The following KCNN2 variants were observed in gnomAD, a reference collection of about 807,000 sequenced individuals.
KCNN2 encodes the protein potassium calcium-activated channel subfamily N member 2.
KCNN2 carries 24 observed loss-of-function variants against 55.5 expected under a neutral mutation model. That is an observed-to-expected ratio of 0.43 (90% CI 0.31 to 0.61). The LOEUF is 0.61. Ranked by LOEUF, KCNN2 falls within the 20% of genes least tolerant of loss-of-function variation. The pLI is 0.08. For synonymous variants in KCNN2, 431 were observed against 336.1 expected, an observed-to-expected ratio of 1.28 and a Z score of -3.09; for missense variants, 754 against 853.6, an observed-to-expected ratio of 0.88 and a Z score of 1.45.
chr5:114,296,981 C>T (rs533537363), intron 2 of KCNN2, among the ~76,000 whole-genome samples: 3 of 152,148 alleles, frequency 2.0e-5, no homozygotes, highest in South Asian at 2.1e-4. Context: ...TGAGTATTTC[C>T]TCCTTAGCTA....
intron 2 of KCNN2, among the ~76,000 whole-genome samples, chr5:114,264,405 C>T (rs573199268): frequency 2.0e-4 from 31 of 152,258 alleles, no homozygotes; most frequent in African/African-American, 6.7e-4. Context: ...ATCAACTAGT[C>T]TCTTTATATA....
intron 2 of KCNN2, among the ~76,000 whole-genome samples, chr5:114,277,179 G>T (rs1755508528): frequency 6.6e-6 from 1 of 152,144 alleles, no homozygotes; most frequent in Admixed American, 6.5e-5. Flanking sequence ...ATCTCTTCTG[G>T]CTTGTAGGGT....
chr5:114,183,115 C>T (rs1362085932), intron 1 of KCNN2, among the ~76,000 whole-genome samples: 2 of 151,954 alleles, frequency 1.3e-5, no homozygotes, highest in Admixed American at 6.6e-5. Flanking sequence ...TATTTTTATT[C>T]ATCTATTGAA....
chr5:114,126,038 G>A (rs745611090), intron 1 of KCNN2, among the ~76,000 whole-genome samples: 9 of 151,986 alleles, frequency 5.9e-5, no homozygotes, highest in Non-Finnish European at 8.8e-5. Flanking sequence ...GGCATTCCTT[G>A]GGTTATACAT....
chr5:114,317,315 C>G (rs141873548), intron 2 of KCNN2, among the ~76,000 whole-genome samples: 1 of 151,962 alleles, frequency 6.6e-6, no homozygotes, highest in African/African-American at 2.4e-5. Flanking sequence ...CTTATATCGT[C>G]GGACCTGCAG....
At chr5:114,210,720 C>G (rs565203822) in intron 1 of KCNN2, among the ~76,000 whole-genome samples, 1 of 152,026 alleles carries the variant, frequency 6.6e-6, no homozygotes, top group Non-Finnish European at 1.5e-5. Context: ...TTATTAACGA[C>G]GATAGGAAGC....
chr5:114,061,378 T>A (rs550702306), intron 1 of KCNN2, among the ~76,000 whole-genome samples: 82 of 152,326 alleles, frequency 5.4e-4, no homozygotes, highest in African/African-American at 1.8e-3. Flanking sequence ...TTACAAATAA[T>A]GTTTACTTTT....
intron 3 of KCNN2, among the ~76,000 whole-genome samples, chr5:114,452,785 C>T (rs1248532020): frequency 6.6e-6 from 1 of 152,194 alleles, no homozygotes; most frequent in African/African-American, 2.4e-5. Flanking sequence ...GTGTGAATAT[C>T]AGCAACAAGT....
At chr5:114,412,687 G>T (rs1405268120) in intron 3 of KCNN2, among the ~76,000 whole-genome samples, 1 of 152,134 alleles carries the variant, frequency 6.6e-6, no homozygotes, top group East Asian at 1.9e-4. Flanking sequence ...ATTTTCAGGA[G>T]AGTCACCCAG....
intron 1 of KCNN2, among the ~76,000 whole-genome samples, chr5:114,216,844 T>C (rs1243198388): frequency 6.6e-6 from 1 of 152,054 alleles, no homozygotes; most frequent in Non-Finnish European, 1.5e-5. Flanking sequence ...TGTTCACAGA[T>C]GACGTGATTA....
At chr5:114,188,159 A>C (rs1176414344) in intron 1 of KCNN2, among the ~76,000 whole-genome samples, 1 of 152,204 alleles carries the variant, frequency 6.6e-6, no homozygotes, top group Non-Finnish European at 1.5e-5. Flanking sequence ...TTTGGACTTC[A>C]TACCATTTGA....
intron 2 of KCNN2, among the ~76,000 whole-genome samples, chr5:114,303,159 A>G (rs796833921): frequency 1.3e-5 from 2 of 152,366 alleles, no homozygotes; most frequent in African/African-American, 4.8e-5. Context: ...GGACAAATAT[A>G]AAAAGGGAGA....
chr5:114,369,274 T>C (rs1322172650), intron 2 of KCNN2, among the ~76,000 whole-genome samples: 2 of 152,232 alleles, frequency 1.3e-5, no homozygotes, highest in Non-Finnish European at 2.9e-5. Context: ...ACAAATTGTT[T>C]AAAGACAAAG....
At chr5:114,393,590 A>AT (rs1457484903) in intron 2 of KCNN2, among the ~76,000 whole-genome samples, 15 of 152,102 alleles carry the variant, frequency 9.9e-5, no homozygotes, top group African/African-American at 3.6e-4. Context: ...GTAAAAAAAA[A>AT]GCATTAAATA....
At chr5:114,279,341 G>A (rs1179523945) in intron 2 of KCNN2, among the ~76,000 whole-genome samples, 1 of 151,784 alleles carries the variant, frequency 6.6e-6, no homozygotes, top group African/African-American at 2.4e-5. Flanking sequence ...TAGGGTACAT[G>A]TGCACAGTGT....
At chr5:114,402,823 T>C (rs574155881) in intron 2 of KCNN2, among the ~76,000 whole-genome samples, 6 of 151,974 alleles carry the variant, frequency 3.9e-5, no homozygotes, top group African/African-American at 1.4e-4. Context: ...AGATTGAGAG[T>C]TTACCTGGAC....
At chr5:114,223,246 T>G (rs1754180051) in intron 2 of KCNN2, among the ~76,000 whole-genome samples, 1 of 152,164 alleles carries the variant, frequency 6.6e-6, no homozygotes, top group African/African-American at 2.4e-5. Context: ...CATAATTAAT[T>G]AGTCTACTGG....
intron 1 of KCNN2, among the ~76,000 whole-genome samples, chr5:114,168,656 T>A (rs1002594096): frequency 2.6e-5 from 4 of 152,144 alleles, no homozygotes; most frequent in Non-Finnish European, 4.4e-5. Context: ...GTTCTCAGTG[T>A]CAGTGGATTG....
intron 1 of KCNN2, among the ~76,000 whole-genome samples, chr5:114,107,129 A>G (rs188662095): frequency 9.9e-5 from 15 of 152,122 alleles, no homozygotes; most frequent in Non-Finnish European, 1.3e-4. Flanking sequence ...CCAATTAATC[A>G]CCACCATTCA....
Sources: gnomAD v4.1 joint callset for allele counts (sites outside exome capture counted in the v4.1 genomes callset) on GRCh38, gnomAD v4.1.1 for gene constraint, MANE v1.5 for transcripts, NCBI Gene and HGNC (gene_info 2026-07-23, HGNC 2026-07-21) for gene names.